Variants in SNTG1 observed in about 807,000 individuals in gnomAD.
The protein encoded by SNTG1 is syntrophin gamma 1, also known as gamma-1-syntrophin.
A neutral mutation model predicts 74.7 loss-of-function variants in SNTG1; 39 were observed. That is an observed-to-expected ratio of 0.52 (90% CI 0.40 to 0.68). SNTG1 has a LOEUF of 0.68. Ranked by LOEUF, SNTG1 falls within the 30% of genes least tolerant of loss-of-function variation. SNTG1 has a pLI of 0.00. For missense variants in SNTG1, 685 were observed against 609.5 expected (o/e 1.12, Z -1.30); for synonymous variants, 254 against 217.1 (o/e 1.17, Z -1.49).
At chr8:50,779,481 C>G (rs1285182557) in intron 18 of SNTG1, among the ~76,000 whole-genome samples, 1 of 152,090 alleles carries the variant, frequency 6.6e-6, no homozygotes, top group Non-Finnish European at 1.5e-5. Flanking sequence ...AATGGGAGTT[C>G]ACTCATTATT....
At chr8:50,333,583 C>T (rs1394677380) in intron 2 of SNTG1, among the ~76,000 whole-genome samples, 2 of 152,168 alleles carry the variant, frequency 1.3e-5, no homozygotes, top group African/African-American at 2.4e-5. Flanking sequence ...AACAGCATTA[C>T]CTAGCAGTAG....
chr8:50,320,274 T>G (rs2090473740), intron 2 of SNTG1, among the ~76,000 whole-genome samples: 3 of 152,298 alleles, frequency 2.0e-5, no homozygotes, highest in Admixed American at 2.0e-4. Context: ...TTCATTTCTT[T>G]TAGATTTCCC....
chr8:50,026,437 A>C (rs1817269513), intron 1 of SNTG1, among the ~76,000 whole-genome samples: 1 of 152,188 alleles, frequency 6.6e-6, no homozygotes, highest in Non-Finnish European at 1.5e-5. Context: ...ATTTGGCTAA[A>C]GGGAGTTGAT....
intron 4 of SNTG1, among the ~76,000 whole-genome samples, chr8:50,424,357 A>G (rs1358024826): frequency 6.6e-6 from 1 of 152,216 alleles, no homozygotes; most frequent in Non-Finnish European, 1.5e-5. Context: ...CCTCAACAAC[A>G]GATGTTGACA....
intron 15 of SNTG1, among the ~76,000 whole-genome samples, chr8:50,665,725 G>A (rs547618161): frequency 1.3e-5 from 2 of 152,116 alleles, no homozygotes; most frequent in Admixed American, 6.6e-5. Flanking sequence ...GGGCAAATTC[G>A]GGACAAATTG....
At chr8:50,412,858 T>C (rs909566178) in intron 4 of SNTG1, among the ~76,000 whole-genome samples, 10 of 152,170 alleles carry the variant, frequency 6.6e-5, no homozygotes, top group African/African-American at 2.4e-4. Context: ...TTGGGAAGGA[T>C]GTAAGGTGGG....
At chr8:50,108,473 G>A (rs1398331443) in intron 1 of SNTG1, among the ~76,000 whole-genome samples, 1 of 152,104 alleles carries the variant, frequency 6.6e-6, no homozygotes, top group Non-Finnish European at 1.5e-5. Flanking sequence ...AATATTGAGA[G>A]TGAAGAAGGT....
At chr8:50,380,351 G>C (rs1563307020) in intron 2 of SNTG1, among the ~76,000 whole-genome samples, 1 of 152,196 alleles carries the variant, frequency 6.6e-6, no homozygotes, top group South Asian at 2.1e-4. Context: ...GTGAATGTGT[G>C]TGGAGAGGGT....
At chr8:50,316,737 T>C (rs1587094604) in intron 2 of SNTG1, among the ~76,000 whole-genome samples, 1 of 152,100 alleles carries the variant, frequency 6.6e-6, no homozygotes, top group South Asian at 2.1e-4. Context: ...CAGAGAGATA[T>C]GTACATAGAT....
At chr8:50,132,750 C>T (rs1445105436) in intron 1 of SNTG1, among the ~76,000 whole-genome samples, 1 of 152,158 alleles carries the variant, frequency 6.6e-6, no homozygotes, top group Non-Finnish European at 1.5e-5. Context: ...CTCTTTCAGT[C>T]TAAACTGACA....
Position 50,115,576 on chromosome 8 carries a change from A to AAACAAAAAAAAAAAAAAAAAC in SNTG1, c.-102-56983_-102-56982insCAAAAAAAAAAAAAAAAACAA, listed in dbSNP as rs1554580680. Among the ~76,000 whole-genome samples, 6 of 82,800 alleles carry AAACAAAAAAAAAAAAAAAAAC rather than the reference A, an allele frequency of 7.2e-5. 1 individual carries two copies. In the Admixed American group the frequency reaches 9.2e-4, roughly 13 times the overall value. The allele number at this position is 82,800 out of a possible 152,430, so 54.3% of individuals were successfully genotyped here. A position where few individuals can be genotyped will look rare whatever the true frequency, so the allele number is the denominator to read the frequency against. On this transcript the variant is annotated intron_variant, in intron 1 of 18. Transcript: ENST00000642720. ...GAGCGAGACTCTGTCTCAAAAAAAA[A>AAACAAAAAAAAAAAAAAAAAC]AAAAAAAAAAACGAGATGGTTGAAG...
At chr8:50,756,355 A>G (rs925226106) in intron 18 of SNTG1, among the ~76,000 whole-genome samples, 9 of 151,878 alleles carry the variant, frequency 5.9e-5, no homozygotes, top group Admixed American at 1.3e-4. Context: ...ACTTTGTACT[A>G]TGTTATCTTC....
intron 2 of SNTG1, among the ~76,000 whole-genome samples, chr8:50,191,579 C>A (rs1314566654): frequency 6.6e-6 from 1 of 152,078 alleles, no homozygotes; most frequent in Non-Finnish European, 1.5e-5. Flanking sequence ...AAAAAATAAA[C>A]TTTAAATTCT....
At chr8:50,370,558 T>G (rs1353688641) in intron 2 of SNTG1, among the ~76,000 whole-genome samples, 1 of 149,426 alleles carries the variant, frequency 6.7e-6, no homozygotes, top group Non-Finnish European at 1.5e-5. Flanking sequence ...CCTCCCCACC[T>G]GCAATGATAG....
At chr8:50,502,493 C>T (rs993672764) in intron 8 of SNTG1, among the ~76,000 whole-genome samples, 5 of 152,110 alleles carry the variant, frequency 3.3e-5, no homozygotes, top group African/African-American at 9.7e-5. Context: ...TTCTTGATTC[C>T]TCATATTGCC....
intron 2 of SNTG1, among the ~76,000 whole-genome samples, chr8:50,289,127 G>A (rs2088946732): frequency 6.6e-6 from 1 of 152,092 alleles, no homozygotes; most frequent in African/African-American, 2.4e-5. Context: ...AAGATAAATA[G>A]TATATAATAA....
intron 12 of SNTG1, among the ~76,000 whole-genome samples, chr8:50,588,594 T>A (rs1360544051): frequency 6.6e-6 from 1 of 152,218 alleles, no homozygotes; most frequent in African/African-American, 2.4e-5. Flanking sequence ...TTTATTTTCT[T>A]GCCAAATAAA....
At chr8:50,729,294 A>T (rs2095507311) in intron 17 of SNTG1, among the ~76,000 whole-genome samples, 1 of 152,206 alleles carries the variant, frequency 6.6e-6, no homozygotes, top group East Asian at 1.9e-4. Flanking sequence ...TCCAAATATA[A>T]TGTGTAGCCC....
intron 1 of SNTG1, among the ~76,000 whole-genome samples, chr8:49,917,123 A>G (rs995142320): frequency 6.6e-6 from 1 of 152,156 alleles, no homozygotes; most frequent in Non-Finnish European, 1.5e-5. Context: ...AGAAAAGAGT[A>G]TTTTATGGTT....
Sources: allele counts gnomAD v4.1 joint callset (sites outside exome capture counted in the v4.1 genomes callset), GRCh38; gene constraint gnomAD v4.1.1; transcripts MANE v1.5; gene names NCBI Gene and HGNC (gene_info 2026-07-23, HGNC 2026-07-21).